CCNC: variants seen among roughly 807,000 people sequenced by gnomAD.
The protein encoded by CCNC is cyclin C.
Under a neutral mutation model 50.0 loss-of-function variants are expected in CCNC, and 19 were observed. That is an observed-to-expected ratio of 0.38 (90% CI 0.27 to 0.56). The LOEUF (loss-of-function observed/expected upper bound fraction) is 0.56. CCNC is among the 20% of genes least tolerant of loss of function. The probability of loss-of-function intolerance (pLI) is 0.72; values close to 1 mark genes in which losing one functional copy is unlikely to be tolerated. For synonymous variants in CCNC, 93 were observed against 103.7 expected (o/e 0.90, Z 0.63); for missense variants, 200 against 327.1 (o/e 0.61, Z 3.00).
chr6:99,544,239 G>A (rs1583565659), intron 11 of CCNC: 2 of 1,534,694 alleles, frequency 1.3e-6, no homozygotes, highest in East Asian at 4.9e-5. Flanking sequence ...GCAGCTTCAG[G>A]CCCTGCCACT....
chr6:99,562,428 AT>A (rs1394417537), intron 2 of CCNC: 1 of 153,082 alleles, frequency 6.5e-6, no homozygotes, highest in Non-Finnish European at 1.5e-5. Context: ...TAAAAAAATT[AT>A]GTGACAAACC....
At chr6:99,554,891 A>C (rs1802450026) in intron 5 of CCNC, among the ~76,000 whole-genome samples, 1 of 152,202 alleles carries the variant, frequency 6.6e-6, no homozygotes. Context: ...AAGCCAAGAA[A>C]TACACACACT....
chr6:99,551,073 AATTAG>A (rs1562489290), intron 6 of CCNC, 45 bp from the exon 7 acceptor site: 2 of 956,996 alleles, frequency 2.1e-6, no homozygotes, highest in Admixed American at 3.5e-5. Flanking sequence ...TATGAAACCA[AATTAG>A]ATAAGTCCAC....
At chr6:99,543,667 C>G in intron 11 of CCNC, 58 bp from the exon 12 acceptor site, 2 of 1,599,390 alleles carry the variant, frequency 1.3e-6, no homozygotes, top group Non-Finnish European at 1.7e-6. Context: ...TTTTTACACC[C>G]TGATAAGCCT....
intron 1 of CCNC, among the ~76,000 whole-genome samples, chr6:99,563,635 T>C (rs1283861554): frequency 6.6e-6 from 1 of 152,216 alleles, no homozygotes; most frequent in Non-Finnish European, 1.5e-5. Flanking sequence ...TCTCTACTGA[T>C]GGAAATACAG....
At chr6:99,568,785 C>CTGA, upstream of CCNC, 1 of 1,206,586 alleles carries the variant, frequency 8.3e-7, no homozygotes, top group Middle Eastern at 3.0e-4. Flanking sequence ...AGGGGAGGTG[C>CTGA]TGACCCTTGG....
chr6:99,549,629 G>A, intron 8 of CCNC, 54 bp from the exon 9 acceptor site: 1 of 1,148,462 alleles, frequency 8.7e-7, no homozygotes, highest in Non-Finnish European at 1.3e-6. Context: ...TCATCTGATT[G>A]TATATTTCCT....
Position 99,565,190 on chromosome 6 carries a change from T to C in CCNC, c.33-2242A>G, listed in dbSNP as rs192022264. 2.6e-5 allele frequency among the ~76,000 whole-genome samples: 4 copies of C among 152,212 alleles called. No individual in the cohort carries two copies. The East Asian group carries it at 5.8e-4, about 22-fold the overall frequency. On this transcript the variant is annotated intron_variant, in intron 1 of 11. Coordinates refer to ENST00000520429, the MANE Select transcript of CCNC (RefSeq NM_005190.4). ...TAAGACCTAAACTTTAGAAGCATTATGTCGAGTCCTAAAAAAGAATATCCA... is the reference window on the plus strand; with the variant it reads ...TAAGACCTAAACTTTAGAAGCATTACGTCGAGTCCTAAAAAAGAATATCCA...
chr6:99,562,751 C>G (rs1251232909), intron 2 of CCNC, 91 bp downstream of exon 2: 31 of 660,218 alleles, frequency 4.7e-5, no homozygotes, highest in Non-Finnish European at 8.0e-5. Flanking sequence ...GTTAGGTATG[C>G]ACTAAAACAG....
At chr6:99,568,366 C>T (rs1460396718) in intron 1 of CCNC, 130 bp downstream of exon 1, 9 of 867,190 alleles carry the variant, frequency 1.0e-5, no homozygotes, top group South Asian at 3.1e-5. Flanking sequence ...TGATTCTGAC[C>T]GCTGCGGTCT....
chr6:99,545,692 T>C (rs914866052), intron 10 of CCNC, among the ~76,000 whole-genome samples: 2 of 152,184 alleles, frequency 1.3e-5, no homozygotes, highest in African/African-American at 4.8e-5. Context: ...AATTAGCTAT[T>C]TTTTTCCCAC....
chr6:99,552,803 G>T (rs1802356816), intron 5 of CCNC, among the ~76,000 whole-genome samples: 3 of 152,138 alleles, frequency 2.0e-5, no homozygotes, highest in Admixed American at 1.3e-4. Flanking sequence ...AGCACTTTGG[G>T]AGGCCAAGGT....
intron 1 of CCNC, chr6:99,568,248 C>A (rs955225684): frequency 1.1e-5 from 6 of 563,044 alleles, no homozygotes; most frequent in Non-Finnish European, 1.9e-5. Flanking sequence ...CCGAAACGTT[C>A]CTTCCCGGGA....
intron 6 of CCNC, 95 bp downstream of exon 6, chr6:99,551,744 GC>G: frequency 1.4e-6 from 1 of 717,170 alleles, no homozygotes; most frequent in African/African-American, 1.9e-5. Flanking sequence ...ATTTGAAACT[GC>G]CATTTCTAGG....
intron 2 of CCNC, chr6:99,562,353 A>G (rs1405849098): frequency 6.5e-6 from 1 of 152,674 alleles, no homozygotes; most frequent in East Asian, 1.9e-4. Context: ...TAAATAAATA[A>G]TACATAAAAA....
At chr6:99,565,081 G>A (rs1349671425) in intron 1 of CCNC, among the ~76,000 whole-genome samples, 1 of 151,856 alleles carries the variant, frequency 6.6e-6, no homozygotes, top group African/African-American at 2.4e-5. Context: ...TTAAAACATA[G>A]AAAATTAAGT....
At chr6:99,558,822 C>G (rs1170182634) in intron 4 of CCNC, among the ~76,000 whole-genome samples, 1 of 152,162 alleles carries the variant, frequency 6.6e-6, no homozygotes. Flanking sequence ...AATGAGCATT[C>G]CTTTGAATGT....
chr6:99,564,937 C>A (rs1769056510), intron 1 of CCNC, among the ~76,000 whole-genome samples: 1 of 152,072 alleles, frequency 6.6e-6, no homozygotes, highest in Non-Finnish European at 1.5e-5. Context: ...GAGTATAAAG[C>A]AGGGATCCAG....
At chr6:99,558,436 A>G (rs1318972798) in intron 5 of CCNC, 61 bp downstream of exon 5, 4 of 1,580,136 alleles carry the variant, frequency 2.5e-6, no homozygotes, top group East Asian at 2.3e-5. Context: ...AAAAAAATCT[A>G]TGTACTCTGG....
Sources: gnomAD v4.1 joint callset for allele counts (sites outside exome capture counted in the v4.1 genomes callset) on GRCh38, gnomAD v4.1.1 for gene constraint, MANE v1.5 for transcripts, NCBI Gene and HGNC (gene_info 2026-07-23, HGNC 2026-07-21) for gene names.